SLC6A12: variants seen among roughly 807,000 people sequenced by gnomAD.
SLC6A12 encodes sodium- and chloride-dependent betaine transporter.
SLC6A12 carries 50 observed loss-of-function variants against 73.3 expected under a neutral mutation model. The ratio of observed to expected loss-of-function variants is 0.68; its 90% CI spans 0.54 to 0.86. The LOEUF is 0.86. Among genes scored for constraint, SLC6A12 ranks in the 40% least tolerant of loss-of-function variants. SLC6A12 has a pLI of 0.00. For synonymous variants in SLC6A12, 304 were observed against 309.2 expected (o/e 0.98, Z 0.18); for missense variants, 648 against 772.8 (o/e 0.84, Z 1.92).
At chr12:209,322 G>A (rs1235169589) in intron 3 of SLC6A12, among the ~76,000 whole-genome samples, 8 of 152,050 alleles carry the variant, frequency 5.3e-5, no homozygotes, top group African/African-American at 1.7e-4. Context: ...CATAGACCAC[G>A]CGGAACCGTT....
rs115584109 is a variant in SLC6A12 at position 209,167 on chromosome 12, T to C, written c.214+606A>G. On this transcript the variant is annotated intron_variant, in intron 3 of 15. Transcript: ENST00000684302. ...GCACCTGCCGTTCCCTGTGTCAGAG[T>C]GTTCTCCATCCAGGATACATCCACG... 2.9e-3 allele frequency among the ~76,000 whole-genome samples: 435 copies of C among 152,130 alleles called. 3 individuals carry two copies. The highest frequency in any genetic ancestry group is 9.7e-3 in the African/African-American group (404 of 41,486).
At chr12:205,376 A>G (rs1417848973) in intron 3 of SLC6A12, among the ~76,000 whole-genome samples, 1 of 152,194 alleles carries the variant, frequency 6.6e-6, no homozygotes, top group Non-Finnish European at 1.5e-5. Flanking sequence ...TGCGTGTTAC[A>G]CCATGAGAAC....
intron 2 of SLC6A12, chr12:210,355 C>G (rs1396942384): frequency 1.8e-6 from 2 of 1,115,772 alleles, no homozygotes; most frequent in Non-Finnish European, 2.2e-6. Flanking sequence ...TCGCCACCAT[C>G]CCAGCCGGCC....
intron 3 of SLC6A12, among the ~76,000 whole-genome samples, chr12:205,685 A>G (rs1940596842): frequency 6.6e-6 from 1 of 152,268 alleles, no homozygotes; most frequent in Non-Finnish European, 1.5e-5. Flanking sequence ...AGGGAAAGAA[A>G]GGAAAAATCA....
At chr12:195,005 A>G (rs1031825574) in intron 13 of SLC6A12, among the ~76,000 whole-genome samples, 8 of 152,216 alleles carry the variant, frequency 5.3e-5, no homozygotes, top group African/African-American at 1.9e-4. Flanking sequence ...CTGTTGAAGG[A>G]AATCCATTTT....
Position 196,276 on chromosome 12 carries a change from G to A in SLC6A12, c.1189-15C>T, listed in dbSNP as rs1939859776. The A allele has an allele frequency of 6.2e-7, 1 of 1,606,196 alleles. No homozygotes were observed. Among genetic ancestry groups the A allele is most frequent in the Non-Finnish European group, 8.5e-7 (1 of 1,177,506 alleles). The stretch of plus-strand genomic sequence containing the variant: ...ACACAGACAAACTGTGGGCCAGGAG[G>A]GGAACTGGATGAGAGGGTGTGGGGC... On this transcript the variant is annotated splice_polypyrimidine_tract_variant and intron_variant, in intron 11 of 15. Coordinates refer to ENST00000684302, the MANE Select transcript of SLC6A12 (RefSeq NM_001122848.3).
downstream of SLC6A12, among the ~76,000 whole-genome samples, chr12:187,591 A>C (rs576658010): frequency 6.6e-4 from 3 of 4,570 alleles, no homozygotes; most frequent in African/African-American, 9.3e-4. Context: ...CAAAAGAGCA[A>C]AAAAAAAAAA....
At chr12:204,412 C>A (rs184671990) in intron 4 of SLC6A12, 152 bp downstream of exon 4, 124 of 768,106 alleles carry the variant, frequency 1.6e-4, no homozygotes, top group Admixed American at 5.2e-4. Flanking sequence ...AGGCTCTCTC[C>A]GGCCCACCCA....
At chr12:203,270 A>T (rs1940396449) in intron 4 of SLC6A12, 1 of 163,084 alleles carries the variant, frequency 6.1e-6, no homozygotes, top group Non-Finnish European at 1.3e-5. Context: ...GGGTCTCGCT[A>T]TGCTGCCCAG....
downstream of SLC6A12, among the ~76,000 whole-genome samples, chr12:187,032 C>A (rs575963453): frequency 4.5e-4 from 69 of 152,344 alleles, 1 homozygote; most frequent in Non-Finnish European, 7.9e-4. Context: ...TGAATTCAAA[C>A]GCAAAAGCGA....
At position 198,812 on chromosome 12, in the gene SLC6A12, G is replaced by A; in HGVS notation, c.831C>T (p.Arg277=). The A allele has an allele frequency of 1.2e-6, 2 of 1,614,226 alleles. No individual in the cohort carries two copies. Among genetic ancestry groups the A allele is most frequent in the Non-Finnish European group, 8.5e-7 (1 of 1,180,038 alleles). Reference sequence around the variant, plus strand: ...CGGTACATACCTGAGGGTCCTTGAGGCGGAACAAATCTGGCTTCAAGTAGT... The same window carrying A: ...CGGTACATACCTGAGGGTCCTTGAGACGGAACAAATCTGGCTTCAAGTAGT... The part of the protein sequence containing the change: ...IIYYLKPDLF[R]LKDPQVWMDA... Residue 277 remains arginine, a synonymous_variant, in exon 8 of 16, where the codon CGC becomes CGT. Coordinates refer to ENST00000684302, the MANE Select transcript of SLC6A12 (RefSeq NM_001122848.3). The surrounding 1 kb of genome is among the most constrained non-coding windows in gnomAD (Gnocchi z 4.0).
intron 4 of SLC6A12, chr12:204,234 G>T: frequency 3.2e-6 from 1 of 308,274 alleles, no homozygotes; most frequent in Non-Finnish European, 6.2e-6. Context: ...GAGCCTGTGA[G>T]TAGAGCCATA....
chr12:185,941 C>A (rs1169130123), downstream of SLC6A12, among the ~76,000 whole-genome samples: 1 of 152,254 alleles, frequency 6.6e-6, no homozygotes, highest in East Asian at 1.9e-4. Context: ...TAGATCCAAT[C>A]AGCCCTTGTT....
At chr12:185,034 T>A in the SLC6A12 span, among the ~76,000 whole-genome samples, 1 of 152,076 alleles carries the variant, frequency 6.6e-6, no homozygotes, top group Non-Finnish European at 1.5e-5. Flanking sequence ...CCACTTCTAG[T>A]TACCAAGTGA....
At chr12:194,257 T>C (rs754650458) in intron 13 of SLC6A12, 2 of 152,202 alleles carry the variant, frequency 1.3e-5, no homozygotes, top group Non-Finnish European at 2.9e-5. Flanking sequence ...GTTGGGGAAA[T>C]TCGGAAGGCA....
At chr12:188,601 G>C (rs1176207253), downstream of SLC6A12, among the ~76,000 whole-genome samples, 5 of 152,278 alleles carry the variant, frequency 3.3e-5, no homozygotes, top group East Asian at 9.7e-4. Flanking sequence ...TGTGAGGGCT[G>C]GGGGCACGCT....
intron 12 of SLC6A12, among the ~76,000 whole-genome samples, chr12:195,724 A>G (rs1390283938): frequency 3.9e-5 from 6 of 152,092 alleles, no homozygotes; most frequent in African/African-American, 1.4e-4. Context: ...GGGTTGGCTG[A>G]CAGTAACAGG....
intron 4 of SLC6A12, chr12:203,532 G>A (rs1565475265): frequency 6.6e-6 from 1 of 152,154 alleles, no homozygotes; most frequent in Non-Finnish European, 1.5e-5. Flanking sequence ...CGCTGCGCGG[G>A]AGGGACCCGC....
At chr12:200,316 G>T (rs989253160) in intron 7 of SLC6A12, among the ~76,000 whole-genome samples, 1 of 151,722 alleles carries the variant, frequency 6.6e-6, no homozygotes, top group Non-Finnish European at 1.5e-5. Context: ...TACCGTGTTA[G>T]CCAGGATGGT....
Sources: gnomAD v4.1 joint callset for allele counts (sites outside exome capture counted in the v4.1 genomes callset) on GRCh38, gnomAD v4.1.1 for gene constraint, Gnocchi (gnomAD v3.1) non-coding constraint, MANE v1.5 for transcripts, NCBI Gene and HGNC (gene_info 2026-07-23, HGNC 2026-07-21) for gene names.